The following CACNG3 variants were observed in gnomAD, a reference collection of about 807,000 sequenced individuals.
CACNG3 encodes the protein voltage-dependent calcium channel gamma-3 subunit.
A neutral mutation model predicts 28.5 loss-of-function variants in CACNG3; 3 were observed. The observed-to-expected ratio is 0.11, with a 90% CI of 0.05 to 0.27. The LOEUF (loss-of-function observed/expected upper bound fraction) is 0.27, where lower values mean the gene tolerates loss of function less well. CACNG3 is among the 10% of genes least tolerant of loss of function. CACNG3 has a pLI of 1.00. For missense variants in CACNG3, 236 were observed against 414.4 expected, an observed-to-expected ratio of 0.57 and a Z score of 3.74; for synonymous variants, 174 against 162.2, an observed-to-expected ratio of 1.07 and a Z score of -0.55.
At chr16:24,304,204 A>G (rs150525829) in intron 1 of CACNG3, among the ~76,000 whole-genome samples, 1 of 152,224 alleles carries the variant, frequency 6.6e-6, no homozygotes, top group East Asian at 1.9e-4. Context: ...TTAAAATGAG[A>G]TTTGCTATCT....
chr16:24,330,611 A>G (rs1382295888), intron 1 of CACNG3, among the ~76,000 whole-genome samples: 1 of 152,218 alleles, frequency 6.6e-6, no homozygotes, highest in Non-Finnish European at 1.5e-5. Context: ...GTGCCCAGGA[A>G]TGCACTTGTT....
intron 1 of CACNG3, among the ~76,000 whole-genome samples, chr16:24,265,349 A>AT (rs1898587272): frequency 9.4e-6 from 1 of 105,922 alleles, no homozygotes; most frequent in African/African-American, 4.9e-5. Context: ...AGAAAGAAAA[A>AT]GGAAAGAAAG....
Position 24,352,185 on chromosome 16 carries a change from A to G in CACNG3, c.296-2648A>G, listed in dbSNP as rs111467874. Among the ~76,000 whole-genome samples, 648 of 152,248 alleles carry G rather than the reference A, an allele frequency of 4.3e-3. 4 individuals carry two copies. Among genetic ancestry groups the G allele is most frequent in the African/African-American group, 0.015 (630 of 41,544 alleles). ...GCAAACGAATGAAAGTGCAGTACCA[A>G]ATGAAAACGGCCGGAGCTAAACAGG... is the stretch of plus-strand genomic sequence containing the variant. On this transcript the variant is annotated intron_variant, in intron 2 of 3. Transcript: ENST00000005284.
At chr16:24,300,308 GC>G (rs1899089827) in intron 1 of CACNG3, among the ~76,000 whole-genome samples, 1 of 151,818 alleles carries the variant, frequency 6.6e-6, no homozygotes, top group African/African-American at 2.4e-5. Flanking sequence ...GTACACAGGG[GC>G]CCCGATAAGG....
chr16:24,310,061 G>A (rs949511333), intron 1 of CACNG3, among the ~76,000 whole-genome samples: 2 of 152,220 alleles, frequency 1.3e-5, no homozygotes, highest in Non-Finnish European at 2.9e-5. Context: ...CAGAAGCAGA[G>A]TGATCACAAA....
intron 3 of CACNG3, among the ~76,000 whole-genome samples, chr16:24,358,110 A>G (rs1329163809): frequency 6.6e-6 from 1 of 152,154 alleles, no homozygotes; most frequent in African/African-American, 2.4e-5. Context: ...TTTTTTGCTC[A>G]TCTACACTAA....
rs1426216344 is a variant in CACNG3, at chr16:24,285,875, G to T, written c.211+28910G>T. On this transcript the variant is annotated intron_variant, in intron 1 of 3. Coordinates refer to ENST00000005284, the MANE Select transcript of CACNG3 (RefSeq NM_006539.4). ...TTTTTTTTTTTTGAGATAGGGTCTC[G>T]CTCTGTCACCCAGGCTGGAGAGCAG... is the stretch of plus-strand genomic sequence containing the variant. 5.6e-5 allele frequency among the ~76,000 whole-genome samples: 7 copies of T among 125,160 alleles called. No individual in the cohort carries two copies. The Admixed American group carries it at 6.1e-4, about 11-fold the overall frequency. The allele number at this position is 125,160 out of a possible 152,430, so 82.1% of individuals were successfully genotyped here.
At chr16:24,300,134 T>C (rs1419122223) in intron 1 of CACNG3, among the ~76,000 whole-genome samples, 1 of 152,172 alleles carries the variant, frequency 6.6e-6, no homozygotes, top group Non-Finnish European at 1.5e-5. Context: ...TGGTTATTTC[T>C]ATGTTTGTTT....
In CACNG3 at chr16:24,315,330, T is replaced by C. The variant is rs147553802; in HGVS notation, c.212-31404T>C. ...TCCTAGGAAGGGATGTTTGGACTCC[T>C]GGGGTTTACTTCCCAAGCTGCCAGA... On this transcript the variant is annotated intron_variant, in intron 1 of 3. Coordinates refer to ENST00000005284, the MANE Select transcript of CACNG3 (RefSeq NM_006539.4). Among the ~76,000 whole-genome samples, 196 of 152,114 alleles carry C rather than the reference T, an allele frequency of 1.3e-3. 2 individuals are homozygous for C. The highest frequency in any genetic ancestry group is 2.1e-4 in the Non-Finnish European group (14 of 67,976).
chr16:24,277,043 G>C (rs1392214295), intron 1 of CACNG3, among the ~76,000 whole-genome samples: 9 of 152,192 alleles, frequency 5.9e-5, no homozygotes, highest in Admixed American at 5.9e-4. Context: ...GCCAGGGCTT[G>C]GTTCTTGGAA....
intron 1 of CACNG3, among the ~76,000 whole-genome samples, chr16:24,269,981 G>A (rs1183148704): frequency 6.6e-6 from 1 of 151,752 alleles, no homozygotes; most frequent in African/African-American, 2.4e-5. Flanking sequence ...AATATATGTT[G>A]TATGGACATA....
At position 24,361,802 on chromosome 16, in the gene CACNG3, C is replaced by T; in HGVS notation, c.887C>T (p.Pro296Leu). 6.2e-7 allele frequency: 1 copy of T among 1,613,924 alleles called. No individual in the cohort carries two copies. Among genetic ancestry groups the T allele is most frequent in the South Asian group, 1.1e-5 (1 of 91,072 alleles). Residue 296 changes from proline to leucine, a missense_variant, in exon 4 of 4, where the codon CCC becomes CTC. Around this residue, in one of 2 missense-constraint regions of CACNG3, gnomAD observed 116 missense variants for 151.0 expected, o/e 0.77. Coordinates refer to ENST00000005284, the MANE Select transcript of CACNG3 (RefSeq NM_006539.4). The surrounding 1 kb of genome is among the most constrained non-coding windows in gnomAD (Gnocchi z 6.8). ...TTTCTACAGTTCCACAATTCCACAC[C>T]CAAAGAGTTCAAAGAGTCACTGCAT... The part of the protein sequence containing the change: ...HAFLQFHNST[P>L]KEFKESLHNN...
Position 24,317,705 on chromosome 16 carries a change from A to AAAG in CACNG3, c.212-29026_212-29024dup, listed in dbSNP as rs1397589123. 4.8e-4 allele frequency among the ~76,000 whole-genome samples: 51 copies of AAAG among 106,524 alleles called. 1 individual carries two copies. The highest frequency in any genetic ancestry group is 6.6e-4 in the Non-Finnish European group (34 of 51,866). 69.9% of individuals were successfully genotyped at this position (106,524 alleles called of 152,430 possible). A position where few individuals can be genotyped will look rare whatever the true frequency, so the allele number is the denominator to read the frequency against. On this transcript the variant is annotated intron_variant, in intron 1 of 3. Transcript: ENST00000005284. ...GAAAGAAAGAAAGAAAGAAAGAAAG[A>AAAG]AAGAAAGAAAAGAAAGAAAAGAAAA...
intron 2 of CACNG3, among the ~76,000 whole-genome samples, chr16:24,348,460 T>A (rs868246352): frequency 1.2e-4 from 18 of 152,272 alleles, no homozygotes; most frequent in Middle Eastern, 6.8e-3. Context: ...CATTATTAGG[T>A]TAATTTATGC....
rs1263381664 is a variant in CACNG3, at chr16:24,332,349, C to G, written c.212-14385C>G. Among the ~76,000 whole-genome samples the G allele has an allele frequency of 4.6e-5, 7 of 151,812 alleles. No individual in the cohort carries two copies. The South Asian group carries it at 1.5e-3, about 31-fold the overall frequency. ...GGGCGATGACATGCACCTGCAGCTC[C>G]AGCTACTTGGTAGGCTGCAGTGGGA... On this transcript the variant is annotated intron_variant, in intron 1 of 3. Coordinates refer to ENST00000005284, the MANE Select transcript of CACNG3 (RefSeq NM_006539.4).
chr16:24,346,804 C>T lies in CACNG3; in HGVS notation c.282C>T (p.Ala94=), dbSNP rs1409857130. ...ATGCTGACTACGAACAGGACACAGC[C>T]GAATATCTCCTGCGTAAGTTCCCCG... The part of the protein sequence containing the change: ...PEDADYEQDT[A]EYLLRAVRAS... The change falls in exon 2 of 4, where the codon GCC becomes GCT. Residue 94 remains alanine (A), a synonymous_variant. Coordinates refer to ENST00000005284, the MANE Select transcript of CACNG3 (RefSeq NM_006539.4). The T allele has an allele frequency of 1.8e-5, 29 of 1,613,664 alleles. No homozygotes were observed. Among genetic ancestry groups the T allele is most frequent in the Admixed American group, 5.0e-5 (3 of 60,004 alleles).
intron 1 of CACNG3, among the ~76,000 whole-genome samples, chr16:24,290,793 G>A (rs556316717): frequency 3.5e-4 from 53 of 152,066 alleles, no homozygotes; most frequent in African/African-American, 1.2e-3. Context: ...TGTTTATCAC[G>A]GCCTACGTAC....
At chr16:24,276,194 A>G (rs1898751507) in intron 1 of CACNG3, among the ~76,000 whole-genome samples, 1 of 152,232 alleles carries the variant, frequency 6.6e-6, no homozygotes, top group African/African-American at 2.4e-5. Flanking sequence ...GAGATTTTCA[A>G]AAGCGTAAAA....
chr16:24,357,007 C>T (rs572656491), intron 3 of CACNG3, among the ~76,000 whole-genome samples: 5 of 151,922 alleles, frequency 3.3e-5, no homozygotes, highest in African/African-American at 7.3e-5. Context: ...AAGGCTGAGG[C>T]GGGTGGATCA....
Sources: gnomAD v4.1 joint callset for allele counts (sites outside exome capture counted in the v4.1 genomes callset) on GRCh38, gnomAD v4.1.1 for gene constraint, gnomAD v4.1.1 regional missense constraint, Gnocchi (gnomAD v3.1) non-coding constraint, MANE v1.5 for transcripts, NCBI Gene and HGNC (gene_info 2026-07-23, HGNC 2026-07-21) for gene names.